C20orf173: variants seen among roughly 807,000 people sequenced by gnomAD.
C20orf173 encodes uncharacterized protein C20orf173.
C20orf173 carries 22 observed loss-of-function variants against 26.7 expected under a neutral mutation model. The observed-to-expected ratio is 0.82, with a 90% CI of 0.59 to 1.18. The LOEUF is 1.18. Ranked by LOEUF, C20orf173 falls within the 50% of genes most tolerant of loss-of-function variation. The pLI is 0.00. For synonymous variants in C20orf173, 85 were observed against 96.4 expected, an observed-to-expected ratio of 0.88 and a Z score of 0.69; for missense variants, 210 against 250.3, an observed-to-expected ratio of 0.84 and a Z score of 1.09.
rs533674586 is a variant in C20orf173 at position 35,529,385 on chromosome 20, G to A, written c.-12C>T. ...TGCCAGCGCTTCATGTCTGGCCCAGGCGGTGGCTCCCGTGGTGGGCCGTAG... is the reference window on the plus strand; with the variant it reads ...TGCCAGCGCTTCATGTCTGGCCCAGACGGTGGCTCCCGTGGTGGGCCGTAG... On this transcript the variant is annotated 5_prime_UTR_variant, in exon 2 of 6. Coordinates refer to ENST00000444723, the MANE Select transcript of C20orf173 (RefSeq NM_001145350.2). 1 of 1,525,054 alleles carries A rather than the reference G, an allele frequency of 6.6e-7. No individual in the cohort carries two copies. The highest frequency in any genetic ancestry group is 1.4e-5 in the African/African-American group (1 of 72,860). The allele number at this position is 1,525,054 out of a possible 1,614,324, so 94.5% of individuals were successfully genotyped here. A position where few individuals can be genotyped will look rare whatever the true frequency, so the allele number is the denominator to read the frequency against.
chr20:35,526,628 C>CAAAAAAAAAAAAAAAAAA, downstream of C20orf173, among the ~76,000 whole-genome samples: 1 of 53,556 alleles, frequency 1.9e-5, no homozygotes, highest in Non-Finnish European at 3.7e-5. Flanking sequence ...ACTCTTGTCT[C>CAAAAAAAAAAAAAAAAAA]AAAAAAAAAA....
intron 2 of C20orf173, 36 bp downstream of exon 2, chr20:35,529,029 T>TGG: frequency 6.5e-7 from 1 of 1,540,892 alleles, no homozygotes; most frequent in South Asian, 1.2e-5. Context: ...CCGGAAAGCA[T>TGG]GGGGGATATG....
At chr20:35,528,339 G>T in intron 4 of C20orf173, 55 bp from the exon 5 acceptor site, 5 of 1,550,338 alleles carry the variant, frequency 3.2e-6, no homozygotes, top group Non-Finnish European at 3.5e-6. Context: ...GGAAAGTCCT[G>T]CAAGTGTCCC....
At chr20:35,529,496 C>T in intron 1 of C20orf173, 63 bp downstream of exon 1, 1 of 851,414 alleles carries the variant, frequency 1.2e-6, no homozygotes, top group South Asian at 1.8e-5. Flanking sequence ...CACAACTCCC[C>T]ATCCCACCAC....
At chr20:35,521,609 A>AT (rs111556808), downstream of C20orf173, among the ~76,000 whole-genome samples, 5,285 of 140,716 alleles carry the variant, frequency 0.038, 116 homozygotes, top group South Asian at 0.13. Context: ...GGGAAGACAG[A>AT]TTTTTTTTTT....
intron 3 of C20orf173, 22 bp from the exon 4 acceptor site, chr20:35,528,566 G>T: frequency 6.4e-7 from 1 of 1,551,076 alleles, no homozygotes; most frequent in Non-Finnish European, 8.7e-7. Flanking sequence ...GAAGCATTGT[G>T]TGTGGTTTGG....
Position 35,528,434 on chromosome 20 carries a change from G to A in C20orf173, c.582+17C>T. The A allele has an allele frequency of 6.4e-7, 1 of 1,551,070 alleles. No individual in the cohort carries two copies. Among genetic ancestry groups the A allele is most frequent in the Non-Finnish European group, 8.7e-7 (1 of 1,146,442 alleles). On this transcript the variant is annotated intron_variant, in intron 4 of 5. Coordinates refer to ENST00000444723, the MANE Select transcript of C20orf173 (RefSeq NM_001145350.2). ...CCTCACCCCCACACAGAGAATGTCT[G>A]GGGACACCTCCATCACCTTATCACT...
downstream of C20orf173, chr20:35,521,242 C>T (rs1258569385): frequency 6.5e-6 from 1 of 152,692 alleles, no homozygotes; most frequent in African/African-American, 2.4e-5. Flanking sequence ...ACCACTCACT[C>T]AACCACTAGT....
downstream of C20orf173, among the ~76,000 whole-genome samples, chr20:35,526,083 A>G (rs929581842): frequency 2.0e-5 from 3 of 152,192 alleles, no homozygotes; most frequent in African/African-American, 7.2e-5. Flanking sequence ...AGTTTACAGG[A>G]TGATGCAAAA....
chr20:35,523,293 G>C (rs2064485579), downstream of C20orf173: 1 of 152,216 alleles, frequency 6.6e-6, no homozygotes, highest in South Asian at 2.1e-4. Flanking sequence ...GCAGCCACCA[G>C]GCCCAAACTC....
At chr20:35,524,047 G>GT (rs2064489751), downstream of C20orf173, among the ~76,000 whole-genome samples, 1 of 151,962 alleles carries the variant, frequency 6.6e-6, no homozygotes, top group Non-Finnish European at 1.5e-5. Context: ...TTGTTTGTTT[G>GT]TTTTTTTGAG....
downstream of C20orf173, among the ~76,000 whole-genome samples, chr20:35,526,611 A>G (rs867832813): frequency 6.8e-6 from 1 of 146,306 alleles, no homozygotes; most frequent in African/African-American, 2.6e-5. Flanking sequence ...CCTGGGCAAC[A>G]CAGCAAACTC....
downstream of C20orf173, among the ~76,000 whole-genome samples, chr20:35,524,166 C>T (rs191483191): frequency 6.6e-6 from 1 of 152,184 alleles, no homozygotes; most frequent in Admixed American, 6.5e-5. Flanking sequence ...TGCAGGTGCA[C>T]ACCACTGTGC....
chr20:35,525,285 C>T (rs907212849), downstream of C20orf173, among the ~76,000 whole-genome samples: 1 of 152,000 alleles, frequency 6.6e-6, no homozygotes, highest in East Asian at 1.9e-4. Flanking sequence ...GGCGTGATGA[C>T]CCATGCCTGT....
At position 35,529,547 on chromosome 20, in the gene C20orf173, C is replaced by T. The variant is rs2064536289; in HGVS notation, c.-52+12G>A. ...AACCCCTCCTCTCCTGCCTCACTATCCATTTGCTCACCCTCAAAACGGTCT... is the reference window on the plus strand; with the variant it reads ...AACCCCTCCTCTCCTGCCTCACTATTCATTTGCTCACCCTCAAAACGGTCT... On this transcript the variant is annotated intron_variant, in intron 1 of 5. Transcript: ENST00000444723. The T allele has an allele frequency of 1.6e-6, 1 of 634,414 alleles. No homozygotes were observed. Among genetic ancestry groups the T allele is most frequent in the South Asian group, 2.0e-5 (1 of 49,822 alleles). 39.3% of individuals were successfully genotyped at this position (634,414 alleles called of 1,614,324 possible).
At chr20:35,527,369 C>T (rs1374580836) in intron 5 of C20orf173, 119 bp from the exon 6 acceptor site, 1 of 151,974 alleles carries the variant, frequency 6.6e-6, no homozygotes, top group African/African-American at 2.4e-5. Flanking sequence ...GAGACTGGAG[C>T]TCACCTCCAG....
downstream of C20orf173, chr20:35,521,834 C>T (rs1378839279): frequency 6.6e-6 from 1 of 152,390 alleles, no homozygotes; most frequent in Non-Finnish European, 1.5e-5. Flanking sequence ...TCTCGAACTC[C>T]TGACCTCAGG....
chr20:35,527,825 T>C (rs1465240477), intron 5 of C20orf173, among the ~76,000 whole-genome samples: 3 of 152,140 alleles, frequency 2.0e-5, no homozygotes, highest in Non-Finnish European at 4.4e-5. Flanking sequence ...TGGCTATTTT[T>C]TGTATTTTTA....
downstream of C20orf173, chr20:35,522,486 G>A (rs1310618409): frequency 6.6e-6 from 1 of 152,532 alleles, no homozygotes; most frequent in Non-Finnish European, 1.5e-5. Context: ...AGCAGCAGTT[G>A]GGTACCGGGG....
Sources: allele counts gnomAD v4.1 joint callset (sites outside exome capture counted in the v4.1 genomes callset), GRCh38; gene constraint gnomAD v4.1.1; transcripts MANE v1.5; gene names NCBI Gene and HGNC (gene_info 2026-07-23, HGNC 2026-07-21).